The following KDM4D variants were observed in gnomAD, a reference collection of about 807,000 sequenced individuals.
KDM4D encodes lysine demethylase 4D.
For synonymous variants in KDM4D, 254 were observed against 249.1 expected, an observed-to-expected ratio of 1.02 and a Z score of -0.19; for missense variants, 427 against 674.8, an observed-to-expected ratio of 0.63 and a Z score of 4.07.
Position 94,998,239 on chromosome 11 carries a change from C to T in KDM4D, c.867C>T (p.Cys289=), listed in dbSNP as rs151153150. 1,159 of 1,614,202 alleles carry T rather than the reference C, an allele frequency of 7.2e-4. No individual in the cohort carries two copies. Among genetic ancestry groups the T allele is most frequent in the Admixed American group, 9.2e-4 (55 of 60,026 alleles). Residue 289 remains cysteine (C), a synonymous_variant, in exon 3 of 3, where the codon TGC becomes TGT. Coordinates refer to ENST00000335080, the MANE Select transcript of KDM4D (RefSeq NM_018039.3). This position sits in a 1 kb window ranked among gnomAD's most constrained non-coding sequence, Gnocchi z 6.7. The part of the protein sequence containing the change: ...YHAGFNHGFN[C]AEAINFATPR... ...CTGGCTTCAACCATGGTTTCAACTG[C>T]GCAGAGGCCATCAATTTTGCCACTC...
At chr11:94,995,229 T>G (rs1857966264) in intron 2 of KDM4D, among the ~76,000 whole-genome samples, 1 of 152,230 alleles carries the variant, frequency 6.6e-6, no homozygotes, top group African/African-American at 2.4e-5. Flanking sequence ...GCTATTGAGT[T>G]AGTTATAAAT....
chr11:94,998,200 C>T lies in KDM4D; in HGVS notation c.828C>T (p.Pro276=), dbSNP rs1555099490. 1 of 1,614,228 alleles carries T rather than the reference C, an allele frequency of 6.2e-7. No homozygotes were observed. Among genetic ancestry groups the T allele is most frequent in the African/African-American group, 1.3e-5 (1 of 75,052 alleles). The change falls in exon 3 of 3, where the codon CCC becomes CCT. Residue 276 remains proline, a synonymous_variant. Coordinates refer to ENST00000335080, the MANE Select transcript of KDM4D (RefSeq NM_018039.3). This position sits in a 1 kb window ranked among gnomAD's most constrained non-coding sequence, Gnocchi z 6.7. The part of the protein sequence containing the change: ...QEAGEFMVTF[P]YGYHAGFNHG... The stretch of plus-strand genomic sequence containing the variant: ...CTGGAGAGTTCATGGTGACCTTTCC[C>T]TATGGCTACCATGCTGGCTTCAACC...
intron 2 of KDM4D, among the ~76,000 whole-genome samples, chr11:94,989,523 A>T (rs1192342834): frequency 2.6e-5 from 4 of 152,186 alleles, no homozygotes; most frequent in Non-Finnish European, 5.9e-5. Context: ...TGAAATAATA[A>T]TGCTGCACTT....
intron 2 of KDM4D, among the ~76,000 whole-genome samples, chr11:94,979,294 A>G (rs587601219): frequency 5.3e-5 from 8 of 152,204 alleles, no homozygotes; most frequent in African/African-American, 1.9e-4. Context: ...CAGTGGCACA[A>G]TCTTAGCTCA....
intron 2 of KDM4D, among the ~76,000 whole-genome samples, chr11:94,979,926 A>G (rs1857830267): frequency 6.6e-6 from 1 of 152,192 alleles, no homozygotes; most frequent in Non-Finnish European, 1.5e-5. Flanking sequence ...ATATAGTGAT[A>G]TATCATTGAG....
chr11:94,991,613 GAGAA>G (rs1302832473), intron 2 of KDM4D, among the ~76,000 whole-genome samples: 13 of 151,878 alleles, frequency 8.6e-5, no homozygotes, highest in African/African-American at 1.7e-4. Flanking sequence ...AAAAGACAAA[GAGAA>G]AGGAAGTTTA....
At position 94,998,709 on chromosome 11, in the gene KDM4D, C is replaced by T. The variant is rs368293544; in HGVS notation, c.1337C>T (p.Pro446Leu). Residue 446 changes from proline (P) to leucine (L), a missense_variant, in exon 3 of 3, where the codon CCG becomes CTG. Pro to Leu is a moderately conservative substitution (Grantham distance 98, BLOSUM62 -3). Transcript: ENST00000335080. The surrounding 1 kb of genome is among the most constrained non-coding windows in gnomAD (Gnocchi z 6.7). ...GGTCCATCTGCACAGATTATCCACC[C>T]GTCAAATGGCAGACGTGGTCGTGGT... ...TPGPSAQIIHPSNGRRGRGRP... is the reference protein window; with the variant it reads ...TPGPSAQIIHLSNGRRGRGRP... 1.9e-5 allele frequency: 30 copies of T among 1,614,060 alleles called. No homozygotes were observed. The highest frequency in any genetic ancestry group is 1.6e-4 in the Middle Eastern group (1 of 6,084).
intron 2 of KDM4D, among the ~76,000 whole-genome samples, chr11:94,981,298 T>G (rs1455590711): frequency 6.6e-6 from 1 of 152,108 alleles, no homozygotes; most frequent in Non-Finnish European, 1.5e-5. Context: ...TCCATCTATG[T>G]TCATAAGCGA....
intron 2 of KDM4D, among the ~76,000 whole-genome samples, chr11:94,979,778 C>A (rs1857829280): frequency 6.6e-6 from 1 of 152,090 alleles, no homozygotes; most frequent in Non-Finnish European, 1.5e-5. Context: ...CCACAATGAA[C>A]ATTTCTGTAA....
chr11:94,989,485 C>T (rs751890888), intron 2 of KDM4D, among the ~76,000 whole-genome samples: 39 of 152,132 alleles, frequency 2.6e-4, no homozygotes, highest in Non-Finnish European at 4.0e-4. Flanking sequence ...GGTTAATAAT[C>T]CCATGTTCAA....
chr11:94,984,792 G>A (rs964925117), intron 2 of KDM4D, among the ~76,000 whole-genome samples: 37 of 151,910 alleles, frequency 2.4e-4, no homozygotes, highest in East Asian at 1.4e-3. Flanking sequence ...ACTTGAACCC[G>A]GGAGGTGGAG....
intron 2 of KDM4D, among the ~76,000 whole-genome samples, chr11:94,989,750 TTC>T (rs1470607399): frequency 1.5e-4 from 11 of 72,040 alleles, no homozygotes; most frequent in South Asian, 1.3e-3. Flanking sequence ...CTCTCTCTCT[TTC>T]TTTTTTTTTT....
chr11:94,995,684 C>T (rs1857970007), intron 2 of KDM4D, among the ~76,000 whole-genome samples: 1 of 152,100 alleles, frequency 6.6e-6, no homozygotes, highest in Admixed American at 6.5e-5. Context: ...TTCGAGCATC[C>T]CAATCTTTTT....
At chr11:94,991,690 G>C (rs951046061) in intron 2 of KDM4D, among the ~76,000 whole-genome samples, 21 of 151,878 alleles carry the variant, frequency 1.4e-4, no homozygotes, top group Admixed American at 3.9e-4. Flanking sequence ...AGAAAACTTG[G>C]GGGAGGGGAA....
At position 94,998,367 on chromosome 11, in the gene KDM4D, G is replaced by A. The variant is rs1555099539; in HGVS notation, c.995G>A (p.Arg332His). Residue 332 changes from arginine (R) to histidine (H), a missense_variant, in exon 3 of 3, where the codon CGC becomes CAC. Arg to His is a conservative substitution (Grantham distance 29). Coordinates refer to ENST00000335080, the MANE Select transcript of KDM4D (RefSeq NM_018039.3). The surrounding 1 kb of genome is among the most constrained non-coding windows in gnomAD (Gnocchi z 6.7). ...TTCGTGCGCATCCTGCAACCTGAAC[G>A]CTATGACCTGTGGAAACGTGGGCAA... The part of the protein sequence containing the change: ...DAFVRILQPE[R>H]YDLWKRGQDR... 1.3e-5 allele frequency: 21 copies of A among 1,614,046 alleles called. No individual in the cohort carries two copies. Among genetic ancestry groups the A allele is most frequent in the African/African-American group, 4.0e-5 (3 of 74,916 alleles).
At chr11:94,990,891 C>A (rs587654756) in intron 2 of KDM4D, among the ~76,000 whole-genome samples, 79 of 152,318 alleles carry the variant, frequency 5.2e-4, no homozygotes, top group African/African-American at 1.8e-3. Flanking sequence ...CCACCCTCCT[C>A]TAAGCAGCTG....
intron 2 of KDM4D, among the ~76,000 whole-genome samples, 182 bp downstream of exon 2, chr11:94,975,930 T>C (rs1391836714): frequency 6.6e-6 from 1 of 152,198 alleles, no homozygotes. Context: ...TAACCTAATC[T>C]TTTGGTTGCC....
Position 94,997,254 on chromosome 11 carries a change from G to C in KDM4D, c.-119G>C. ...ATCTCATTTGCAAAAAAAAAAGTAC[G>C]CTGGTAGATCCTGCTACCTCATAGA... On this transcript the variant is annotated 5_prime_UTR_variant, in exon 3 of 3. Transcript: ENST00000335080. 1 of 663,560 alleles carries C rather than the reference G, an allele frequency of 1.5e-6. No homozygotes were observed. Among genetic ancestry groups the C allele is most frequent in the Non-Finnish European group, 2.4e-6 (1 of 418,882 alleles). The allele number at this position is 663,560 out of a possible 1,614,324, so 41.1% of individuals were successfully genotyped here.
At chr11:94,996,116 C>T (rs1276605472) in intron 2 of KDM4D, among the ~76,000 whole-genome samples, 1 of 152,212 alleles carries the variant, frequency 6.6e-6, no homozygotes, top group African/African-American at 2.4e-5. Context: ...GCCTTTATCA[C>T]TTGAATGTAT....
Sources: allele counts gnomAD v4.1 joint callset (sites outside exome capture counted in the v4.1 genomes callset), GRCh38; gene constraint gnomAD v4.1.1; non-coding constraint Gnocchi (gnomAD v3.1); transcripts MANE v1.5; gene names NCBI Gene and HGNC (gene_info 2026-07-23, HGNC 2026-07-21).